Variants in ERBB4 observed in about 807,000 individuals in gnomAD.
ERBB4 encodes receptor tyrosine-protein kinase erbB-4.
In ERBB4, 42 loss-of-function variants were observed where a neutral mutation model predicts 158.0. The observed-to-expected ratio is 0.27, with a 90% confidence interval of 0.21 to 0.34. The LOEUF (loss-of-function observed/expected upper bound fraction) is 0.34, where lower values mean the gene tolerates loss of function less well. Among genes scored for constraint, ERBB4 ranks in the 10% least tolerant of loss-of-function variants. The pLI is 1.00. For missense variants in ERBB4, 1,333 were observed against 1,624.1 expected, an observed-to-expected ratio of 0.82 and a Z score of 3.08; for synonymous variants, 583 against 558.7, an observed-to-expected ratio of 1.04 and a Z score of -0.61.
intron 1 of ERBB4, among the ~76,000 whole-genome samples, chr2:212,182,908 A>G (rs1301620111): frequency 1.3e-5 from 2 of 151,300 alleles, no homozygotes; most frequent in Non-Finnish European, 3.0e-5. Flanking sequence ...TAAGATGAAT[A>G]TTTTAACCTA....
intron 1 of ERBB4, among the ~76,000 whole-genome samples, chr2:212,193,026 A>G (rs970388541): frequency 2.0e-5 from 3 of 152,180 alleles, no homozygotes; most frequent in Non-Finnish European, 4.4e-5. Flanking sequence ...ATTACAATTA[A>G]CGGCAGGAAA....
intron 3 of ERBB4, among the ~76,000 whole-genome samples, chr2:211,827,423 C>T (rs67873657): frequency 0.19 from 29,397 of 151,898 alleles, 3,140 homozygotes; most frequent in South Asian, 0.33. Context: ...AATCCACATA[C>T]CACTTAGTTT....
intron 20 of ERBB4, among the ~76,000 whole-genome samples, chr2:211,540,487 A>T (rs546596796): frequency 1.5e-4 from 23 of 152,022 alleles, no homozygotes; most frequent in Non-Finnish European, 2.2e-4. Flanking sequence ...ATTTAAGAAG[A>T]TGATGGCATT....
At chr2:212,492,321 A>T (rs1210449175) in intron 1 of ERBB4, among the ~76,000 whole-genome samples, 3 of 151,464 alleles carry the variant, frequency 2.0e-5, no homozygotes, top group Non-Finnish European at 4.4e-5. Flanking sequence ...ACAGTGCTTA[A>T]TGACCAAAAT....
chr2:211,591,221 T>A (rs1379343455), intron 19 of ERBB4, among the ~76,000 whole-genome samples: 1 of 152,244 alleles, frequency 6.6e-6, no homozygotes, highest in African/African-American at 2.4e-5. Flanking sequence ...CAGAATTATG[T>A]GGAAAGTCGC....
At chr2:212,130,951 T>A (rs887458575) in intron 1 of ERBB4, among the ~76,000 whole-genome samples, 6 of 152,204 alleles carry the variant, frequency 3.9e-5, no homozygotes, top group African/African-American at 7.2e-5. Context: ...AGTACTTTCC[T>A]TTTCAGAAAT....
chr2:212,529,130 G>C (rs1388174321), intron 1 of ERBB4, among the ~76,000 whole-genome samples: 1 of 152,032 alleles, frequency 6.6e-6, no homozygotes, highest in Non-Finnish European at 1.5e-5. Flanking sequence ...GAAAAAGCTG[G>C]CATCTTGAGC....
At chr2:212,023,066 A>G (rs975527649) in intron 2 of ERBB4, among the ~76,000 whole-genome samples, 5 of 152,132 alleles carry the variant, frequency 3.3e-5, no homozygotes, top group African/African-American at 1.2e-4. Context: ...AAATTTCACT[A>G]GAAAGATCTC....
At chr2:211,598,092 A>G (rs1258075141) in intron 19 of ERBB4, among the ~76,000 whole-genome samples, 1 of 152,076 alleles carries the variant, frequency 6.6e-6, no homozygotes, top group Non-Finnish European at 1.5e-5. Context: ...AACTCACTAT[A>G]CACCTCAATC....
intron 8 of ERBB4, among the ~76,000 whole-genome samples, chr2:211,713,142 G>A (rs2073767046): frequency 6.6e-6 from 1 of 152,034 alleles, no homozygotes; most frequent in Non-Finnish European, 1.5e-5. Context: ...ATGCCCCTCT[G>A]GATCTCTTTT....
At chr2:211,723,252 G>C (rs1343906899) in intron 6 of ERBB4, among the ~76,000 whole-genome samples, 1 of 151,886 alleles carries the variant, frequency 6.6e-6, no homozygotes, top group Non-Finnish European at 1.5e-5. Flanking sequence ...AAATTCATTT[G>C]GGAAGAATTA....
intron 1 of ERBB4, among the ~76,000 whole-genome samples, chr2:212,386,173 G>C (rs968790196): frequency 2.0e-5 from 3 of 151,208 alleles, no homozygotes; most frequent in Admixed American, 2.0e-4. Context: ...TTTTAGAACT[G>C]AGTGTTTTTT....
At chr2:212,215,519 T>C (rs1163196261) in intron 1 of ERBB4, among the ~76,000 whole-genome samples, 1 of 151,424 alleles carries the variant, frequency 6.6e-6, no homozygotes, top group African/African-American at 2.4e-5. Flanking sequence ...TGGTATATTT[T>C]ATATAGCATG....
chr2:212,106,568 G>C (rs1344113950), intron 2 of ERBB4, among the ~76,000 whole-genome samples: 1 of 152,232 alleles, frequency 6.6e-6, no homozygotes, highest in Non-Finnish European at 1.5e-5. Context: ...CCTATATTCT[G>C]AGGAGAAATC....
intron 4 of ERBB4, among the ~76,000 whole-genome samples, chr2:211,785,735 CCTA>C (rs1156599241): frequency 1.3e-5 from 2 of 152,032 alleles, no homozygotes; most frequent in South Asian, 2.1e-4. Context: ...AGATATTAAT[CCTA>C]CTGCTAATAT....
At chr2:212,458,543 G>A (rs1322938714) in intron 1 of ERBB4, among the ~76,000 whole-genome samples, 1 of 152,058 alleles carries the variant, frequency 6.6e-6, no homozygotes, top group Non-Finnish European at 1.5e-5. Flanking sequence ...TGAAAGACCT[G>A]TAGGTTGTGC....
chr2:211,544,202 T>C (rs957250260), intron 20 of ERBB4, among the ~76,000 whole-genome samples: 1 of 152,084 alleles, frequency 6.6e-6, no homozygotes, highest in African/African-American at 2.4e-5. Context: ...ATGGTGATTC[T>C]GGAATTACTG....
At chr2:212,226,141 G>A (rs966162862) in intron 1 of ERBB4, among the ~76,000 whole-genome samples, 3 of 152,136 alleles carry the variant, frequency 2.0e-5, no homozygotes, top group Non-Finnish European at 4.4e-5. Context: ...TACGGAGGAA[G>A]CTATATGGCT....
chr2:212,046,554 G>A (rs1380929168), intron 2 of ERBB4, among the ~76,000 whole-genome samples: 1 of 152,120 alleles, frequency 6.6e-6, no homozygotes, highest in Non-Finnish European at 1.5e-5. Context: ...TAGCAGTATT[G>A]ATGTATTTAT....
Sources: gnomAD v4.1 joint callset for allele counts (sites outside exome capture counted in the v4.1 genomes callset) on GRCh38, gnomAD v4.1.1 for gene constraint, MANE v1.5 for transcripts, NCBI Gene and HGNC (gene_info 2026-07-23, HGNC 2026-07-21) for gene names.